The following CEP250 variants were observed in gnomAD, a reference collection of about 807,000 sequenced individuals.
CEP250 encodes centrosomal protein 250.
Under a neutral mutation model 315.7 loss-of-function variants are expected in CEP250, and 242 were observed. The observed-to-expected ratio is 0.77, with a 90% CI of 0.69 to 0.85. The LOEUF (loss-of-function observed/expected upper bound fraction) is 0.85. Ranked by LOEUF, CEP250 falls within the 40% of genes least tolerant of loss-of-function variation. The probability of loss-of-function intolerance (pLI) is 0.00; values close to 1 mark genes in which losing one functional copy is unlikely to be tolerated. For missense variants in CEP250, 2,515 were observed against 2,886.4 expected, an observed-to-expected ratio of 0.87 and a Z score of 2.95; for synonymous variants, 1,088 against 1,175.0, an observed-to-expected ratio of 0.93 and a Z score of 1.51.
chr20:35,479,239 C>G lies in CEP250; in HGVS notation c.2103C>G (p.His701Gln). Reference sequence around the variant, plus strand: ...CACATTCTTCCCCTCAGTCACGTCACCAGCAGGAGGCAGCCACGACTCAGC... The same window carrying G: ...CACATTCTTCCCCTCAGTCACGTCAGCAGCAGGAGGCAGCCACGACTCAGC... ...EIQKKLSESR[H>Q]QQEAATTQLE... Residue 701 changes from histidine (H) to glutamine (Q), a missense_variant, in exon 18 of 35, where the codon CAC (histidine) becomes CAG (glutamine). Coordinates refer to ENST00000397527, the MANE Select transcript of CEP250 (RefSeq NM_007186.6). The G allele has an allele frequency of 6.2e-7, 1 of 1,613,678 alleles. No homozygotes were observed. Among genetic ancestry groups the G allele is most frequent in the Non-Finnish European group, 8.5e-7 (1 of 1,179,750 alleles).
chr20:35,497,670 A>G (rs1430378452), intron 25 of CEP250, 49 bp from the exon 26 acceptor site: 1 of 1,348,202 alleles, frequency 7.4e-7, no homozygotes, highest in Admixed American at 2.2e-5. Flanking sequence ...AGGCCTGAGG[A>G]GAGGGTATCC....
At chr20:35,492,312 G>C (rs1430144555) in intron 22 of CEP250, among the ~76,000 whole-genome samples, 1 of 152,150 alleles carries the variant, frequency 6.6e-6, no homozygotes, top group Non-Finnish European at 1.5e-5. Context: ...GATTTATGGT[G>C]GGGAATGGGG....
chr20:35,500,242 C>T (rs1174371336), intron 28 of CEP250, 73 bp downstream of exon 28: 10 of 1,545,006 alleles, frequency 6.5e-6, no homozygotes, highest in Admixed American at 3.7e-5. Flanking sequence ...GTGGCAGGCA[C>T]AGGCCTAGCA....
At chr20:35,462,596 C>T in intron 4 of CEP250, 43 bp downstream of exon 4, 1 of 1,521,952 alleles carries the variant, frequency 6.6e-7, no homozygotes, top group East Asian at 2.4e-5. Flanking sequence ...AGAACAACCC[C>T]CAGAGCTAGG....
At position 35,494,677 on chromosome 20, in the gene CEP250, G is replaced by A. The variant is rs376973551; in HGVS notation, c.3167+20G>A. On this transcript the variant is annotated intron_variant, in intron 24 of 34. Coordinates refer to ENST00000397527, the MANE Select transcript of CEP250 (RefSeq NM_007186.6). ...AGCCAGGTAGGCTAGATAGGCCATG[G>A]AGGTGGCTTTTGTCTATCTGGCTGC... 24 of 1,613,006 alleles carry A rather than the reference G, an allele frequency of 1.5e-5. No individual in the cohort carries two copies. In the African/African-American group the frequency reaches 2.7e-4, roughly 18 times the overall value.
rs1480465047 is a variant in CEP250, at chr20:35,503,801, C to T, written c.5432C>T (p.Ala1811Val). ...LQSQLDEAQR[A>V]LAQRDQELEA... ...AGTCAACTGGATGAGGCCCAGAGAGCCCTAGCCCAGAGGGACCAGGAACTG... is the reference window on the plus strand; with the variant it reads ...AGTCAACTGGATGAGGCCCAGAGAGTCCTAGCCCAGAGGGACCAGGAACTG... The change falls in exon 30 of 35, where the codon GCC becomes GTC. Residue 1811 changes from alanine (A) to valine (V), a missense_variant. By Grantham distance (64) the Ala-to-Val change is moderately conservative (BLOSUM62 0). Coordinates refer to ENST00000397527, the MANE Select transcript of CEP250 (RefSeq NM_007186.6). The surrounding 1 kb of genome is among the most constrained non-coding windows in gnomAD (Gnocchi z 4.2). 2 of 1,613,834 alleles carry T rather than the reference C, an allele frequency of 1.2e-6. No individual in the cohort carries two copies. The highest frequency in any genetic ancestry group is 1.1e-5 in the South Asian group (1 of 91,088).
intron 23 of CEP250, chr20:35,494,322 TG>T: frequency 3.3e-6 from 2 of 603,458 alleles, no homozygotes; most frequent in African/African-American, 1.9e-5. Flanking sequence ...TATGTGAGGC[TG>T]GGAGGCAGAT....
intron 9 of CEP250, among the ~76,000 whole-genome samples, chr20:35,469,193 A>G (rs1048726724): frequency 6.6e-6 from 1 of 152,150 alleles, no homozygotes; most frequent in African/African-American, 2.4e-5. Context: ...GCATGCACCT[A>G]TAATTCTAGC....
chr20:35,490,205 A>G (rs1429306036), intron 20 of CEP250, among the ~76,000 whole-genome samples: 1 of 152,004 alleles, frequency 6.6e-6, no homozygotes, highest in African/African-American at 2.4e-5. Context: ...CCCAGCTGCT[A>G]GGGAGGCTGA....
At chr20:35,459,071 T>G (rs754463658) in intron 2 of CEP250, among the ~76,000 whole-genome samples, 11 of 142,422 alleles carry the variant, frequency 7.7e-5, no homozygotes, top group Non-Finnish European at 1.4e-4. Context: ...CCTCAAGTGA[T>G]CCGCCTGCCT....
At chr20:35,462,704 T>C (rs764512238) in intron 4 of CEP250, 151 bp downstream of exon 4, 1 of 612,732 alleles carries the variant, frequency 1.6e-6, no homozygotes, top group African/African-American at 1.8e-5. Context: ...CTAGCTTTCA[T>C]GTACAGCTTC....
At chr20:35,508,356 T>C (rs1408974312) in intron 32 of CEP250, among the ~76,000 whole-genome samples, 166 bp downstream of exon 32, 1 of 151,784 alleles carries the variant, frequency 6.6e-6, no homozygotes, top group Non-Finnish European at 1.5e-5. Flanking sequence ...CTCTGTCTCC[T>C]AGAGCTGGAG....
At chr20:35,475,480 A>G in intron 14 of CEP250, 22 bp from the exon 15 acceptor site, 2 of 1,613,144 alleles carry the variant, frequency 1.2e-6, no homozygotes, top group Non-Finnish European at 1.7e-6. Flanking sequence ...GTTCCTCTAG[A>G]CCCCTCTCTT....
Position 35,476,557 on chromosome 20 carries a change from G to A in CEP250, c.1825G>A (p.Ala609Thr), listed in dbSNP as rs751407265. Residue 609 changes from alanine to threonine, a missense_variant, in exon 16 of 35, where the codon GCG becomes ACG. Transcript: ENST00000397527. The part of the protein sequence containing the change: ...VKLSALNEAL[A>T]LDKVGLNQQL... ...GCTCAGTGCCTTAAATGAGGCTTTG[G>A]CGTTAGATAAAGTTGGGCTGAACCA... The A allele has an allele frequency of 2.0e-5, 32 of 1,613,810 alleles. No homozygotes were observed. Among genetic ancestry groups the A allele is most frequent in the South Asian group, 5.5e-5 (5 of 91,082 alleles).
rs1219791239 is a variant in CEP250, at chr20:35,503,790, G to A, written c.5421G>A (p.Glu1807=). The change falls in exon 30 of 35, where the codon GAG becomes GAA. Residue 1807 remains glutamate (E), a synonymous_variant. Coordinates refer to ENST00000397527, the MANE Select transcript of CEP250 (RefSeq NM_007186.6). This position sits in a 1 kb window ranked among gnomAD's most constrained non-coding sequence, Gnocchi z 4.2. ...AGTCACTTCAGAGTCAACTGGATGA[G>A]GCCCAGAGAGCCCTAGCCCAGAGGG... The part of the protein sequence containing the change: ...KEQSLQSQLD[E]AQRALAQRDQ... 4 of 1,613,818 alleles carry A rather than the reference G, an allele frequency of 2.5e-6. No homozygotes were observed. In the South Asian group the frequency reaches 4.4e-5, roughly 18 times the overall value.
At chr20:35,476,256 G>C (rs757257018) in intron 15 of CEP250, 193 bp from the exon 16 acceptor site, 6 of 478,494 alleles carry the variant, frequency 1.3e-5, no homozygotes, top group Middle Eastern at 1.1e-3. Context: ...CCTAACTTTG[G>C]TATCTCTATA....
At chr20:35,488,175 CTCT>C (rs1240298156) in intron 20 of CEP250, among the ~76,000 whole-genome samples, 1 of 152,226 alleles carries the variant, frequency 6.6e-6, no homozygotes, top group East Asian at 1.9e-4. Context: ...ACAGAATTAG[CTCT>C]TCTTGTAGCT....
At position 35,513,057 on chromosome 20, in the gene CEP250, G is replaced by A. The variant is rs935533798; in HGVS notation, c.*1431G>A. 11 of 152,292 alleles carry A rather than the reference G, an allele frequency of 7.2e-5. No individual in the cohort carries two copies. The East Asian group carries it at 1.9e-3, about 27-fold the overall frequency. The allele number at this position is 152,292 out of a possible 1,614,324, so 9.4% of individuals were successfully genotyped here. A position where few individuals can be genotyped will look rare whatever the true frequency, so the allele number is the denominator to read the frequency against. On this transcript the variant is annotated 3_prime_UTR_variant, in exon 35 of 35. Coordinates refer to ENST00000397527, the MANE Select transcript of CEP250 (RefSeq NM_007186.6). ...TATGTCTCATTGCACCACACAGAGT[G>A]GAAATGGGGCTGTTCACAGCGACTA...
Position 35,504,163 on chromosome 20 carries a change from C to G in CEP250, c.5794C>G (p.Gln1932Glu). The change falls in exon 30 of 35, where the codon CAG becomes GAG. Residue 1932 changes from glutamine (Q) to glutamate (E), a missense_variant. Transcript: ENST00000397527. ...RALQDSWLQA[Q>E]AVLKERDQEL... The stretch of plus-strand genomic sequence containing the variant: ...CCTGCAGGACAGCTGGCTGCAGGCC[C>G]AGGCAGTGCTCAAGGAACGGGACCA... 6.2e-7 allele frequency: 1 copy of G among 1,614,044 alleles called. No homozygotes were observed. Among genetic ancestry groups the G allele is most frequent in the East Asian group, 2.2e-5 (1 of 44,884 alleles).
Sources: gnomAD v4.1 joint callset for allele counts (sites outside exome capture counted in the v4.1 genomes callset) on GRCh38, gnomAD v4.1.1 for gene constraint, Gnocchi (gnomAD v3.1) non-coding constraint, MANE v1.5 for transcripts, NCBI Gene and HGNC (gene_info 2026-07-23, HGNC 2026-07-21) for gene names.